FNTB: variants seen among roughly 807,000 people sequenced by gnomAD.
FNTB encodes protein farnesyltransferase subunit beta.
Under a neutral mutation model 59.4 loss-of-function variants are expected in FNTB, and 27 were observed. The observed-to-expected ratio is 0.45, with a 90% CI of 0.34 to 0.63. FNTB has a LOEUF of 0.63. Ranked by LOEUF, FNTB falls within the 20% of genes least tolerant of loss-of-function variation. FNTB has a pLI of 0.02. For missense variants in FNTB, 449 were observed against 559.6 expected (o/e 0.80, Z 1.99); for synonymous variants, 230 against 220.7 (o/e 1.04, Z -0.37).
chr14:64,998,160 G>T (rs1023808005), intron 1 of FNTB, among the ~76,000 whole-genome samples: 1 of 152,200 alleles, frequency 6.6e-6, no homozygotes, highest in Admixed American at 6.5e-5. Flanking sequence ...TATGAATGAA[G>T]AAAGTACTAT....
At position 65,011,111 on chromosome 14, in the gene FNTB, A is replaced by T. The variant is rs1295593297; in HGVS notation, c.210-1206A>T. 6.6e-6 allele frequency among the ~76,000 whole-genome samples: 1 copy of T among 152,038 alleles called. No individual in the cohort carries two copies. Among genetic ancestry groups the T allele is most frequent in the East Asian group, 1.9e-4 (1 of 5,196 alleles). ...CATTGATATACTTACCTCATTTCTGAATTGGAAGAGTTTTTGAGGTAAAGA... is the reference window on the plus strand; with the variant it reads ...CATTGATATACTTACCTCATTTCTGTATTGGAAGAGTTTTTGAGGTAAAGA... On this transcript the variant is annotated intron_variant, in intron 2 of 11. Transcript: ENST00000246166. The surrounding 1 kb of genome is among the most constrained non-coding windows in gnomAD (Gnocchi z 4.0).
chr14:65,048,541 G>A (rs2062537949), intron 9 of FNTB, among the ~76,000 whole-genome samples: 3 of 152,186 alleles, frequency 2.0e-5, no homozygotes, highest in Admixed American at 2.0e-4. Context: ...TATTTGAGTA[G>A]AAGAAGGAAT....
rs1743264918 is a variant in FNTB at position 65,052,635 on chromosome 14, A to G, written c.956-603A>G. 2.0e-5 allele frequency among the ~76,000 whole-genome samples: 3 copies of G among 152,248 alleles called. No individual in the cohort carries two copies. The South Asian group carries it at 6.2e-4, about 31-fold the overall frequency. On this transcript the variant is annotated intron_variant, in intron 9 of 11. Coordinates refer to ENST00000246166, the MANE Select transcript of FNTB (RefSeq NM_002028.4). ...TTGTCAGTACCTTAGTAGTATTACCAGAATACCCAGTTTTTGCTAGGGTAT... is the reference window on the plus strand; with the variant it reads ...TTGTCAGTACCTTAGTAGTATTACCGGAATACCCAGTTTTTGCTAGGGTAT...
At chr14:65,037,764 A>T (rs2062244519) in intron 7 of FNTB, among the ~76,000 whole-genome samples, 1 of 139,700 alleles carries the variant, frequency 7.2e-6, no homozygotes, top group South Asian at 2.3e-4. Context: ...TTATTTATTT[A>T]TTTATTTATT....
intron 11 of FNTB, among the ~76,000 whole-genome samples, chr14:65,056,983 G>A (rs2062750458): frequency 6.6e-6 from 1 of 152,300 alleles, no homozygotes; most frequent in South Asian, 2.1e-4. Flanking sequence ...AAACAGAGGA[G>A]AGCCTGAGAG....
chr14:65,013,699 C>T (rs1333438952), intron 3 of FNTB, among the ~76,000 whole-genome samples: 1 of 152,138 alleles, frequency 6.6e-6, no homozygotes, highest in Non-Finnish European at 1.5e-5. Context: ...AGGTGTGCAC[C>T]ATCACGCCTG....
At position 65,032,447 on chromosome 14, in the gene FNTB, C is replaced by A; in HGVS notation, c.606-163C>A. On this transcript the variant is annotated intron_variant, in intron 6 of 11. Transcript: ENST00000246166. This position sits in a 1 kb window ranked among gnomAD's most constrained non-coding sequence, Gnocchi z 5.0. The stretch of plus-strand genomic sequence containing the variant: ...GCAACTCTATCCAAATAGAATGTCA[C>A]ACCTCTCAGTTGGAGACCCAGGAGG... 1 of 581,420 alleles carries A rather than the reference C, an allele frequency of 1.7e-6. No homozygotes were observed. The highest frequency in any genetic ancestry group is 2.9e-6 in the Non-Finnish European group (1 of 350,622). The allele number at this position is 581,420 out of a possible 1,614,324, so 36.0% of individuals were successfully genotyped here.
chr14:65,042,733 G>A (rs1288398845), intron 8 of FNTB, among the ~76,000 whole-genome samples: 1 of 152,162 alleles, frequency 6.6e-6, no homozygotes, highest in African/African-American at 2.4e-5. Context: ...ATGGGCTTAG[G>A]CACTGGAAAA....
At chr14:65,051,027 A>G (rs1198110661) in intron 9 of FNTB, among the ~76,000 whole-genome samples, 1 of 152,240 alleles carries the variant, frequency 6.6e-6, no homozygotes, top group African/African-American at 2.4e-5. Context: ...GGTGAGGAAA[A>G]GAAAGGAAGG....
At position 65,004,247 on chromosome 14, in the gene FNTB, A is replaced by G. The variant is rs1261026668; in HGVS notation, c.145-2A>G. The G allele has an allele frequency of 6.2e-7, 1 of 1,613,534 alleles. No homozygotes were observed. ...CTCTCCTATCTCCTGCATCCTTACC[A>G]GGCAAAAGTAGAAGAAAAGATCCAA... On this transcript the variant is annotated splice_acceptor_variant, in intron 1 of 11. Coordinates refer to ENST00000246166, the MANE Select transcript of FNTB (RefSeq NM_002028.4). LOFTEE classifies it high-confidence loss of function.
intron 1 of FNTB, 154 bp downstream of exon 1, chr14:64,987,251 G>A: frequency 2.2e-6 from 2 of 896,606 alleles, no homozygotes; most frequent in Admixed American, 2.6e-5. Flanking sequence ...GGGCGCCCAG[G>A]CTTGGGCTTC....
chr14:65,013,735 A>G (rs1184509269), intron 3 of FNTB, among the ~76,000 whole-genome samples: 2 of 152,124 alleles, frequency 1.3e-5, no homozygotes, highest in African/African-American at 4.8e-5. Context: ...TTTAGTAGAG[A>G]CAGGGTTTCA....
At chr14:64,992,267 G>A (rs1467421089) in intron 1 of FNTB, among the ~76,000 whole-genome samples, 1 of 151,980 alleles carries the variant, frequency 6.6e-6, no homozygotes, top group African/African-American at 2.4e-5. Flanking sequence ...GGTTGTTTTT[G>A]GTCAAGTTGA....
intron 2 of FNTB, among the ~76,000 whole-genome samples, chr14:65,005,983 T>TAATC (rs2061580549): frequency 6.6e-6 from 1 of 152,142 alleles, no homozygotes; most frequent in Admixed American, 6.5e-5. Context: ...GGTCACTGGC[T>TAATC]GATTCACTCT....
intron 4 of FNTB, among the ~76,000 whole-genome samples, chr14:65,024,103 T>TAAA (rs557949276): frequency 1.5e-5 from 2 of 129,716 alleles, no homozygotes; most frequent in Non-Finnish European, 1.7e-5. Context: ...CTCCATCTCC[T>TAAA]AAAAAAAAAA....
In FNTB at chr14:65,023,714, GCT is replaced by G. The variant is rs1447598226; in HGVS notation, c.375-3738_375-3737del. Reference sequence around the variant, plus strand: ...TTTAAATTGCCTCATGTGGCTAGTGGCTGCCTATTGGACAGCACAGATGTATC... The same window carrying G: ...TTTAAATTGCCTCATGTGGCTAGTGGGCCTATTGGACAGCACAGATGTATC... On this transcript the variant is annotated intron_variant, in intron 4 of 11. Coordinates refer to ENST00000246166, the MANE Select transcript of FNTB (RefSeq NM_002028.4). The surrounding 1 kb of genome is among the most constrained non-coding windows in gnomAD (Gnocchi z 4.1). Among the ~76,000 whole-genome samples the G allele has an allele frequency of 2.0e-5, 3 of 152,126 alleles. No homozygotes were observed. Among genetic ancestry groups the G allele is most frequent in the Non-Finnish European group, 4.4e-5 (3 of 68,030 alleles).
chr14:65,005,449 T>TTTTCTTTCTTTCTTTCTTTCTTTCTTTC (rs71123898), intron 2 of FNTB, among the ~76,000 whole-genome samples: 1 of 119,814 alleles, frequency 8.3e-6, no homozygotes. Flanking sequence ...TCTTCCTTTC[T>TTTTCTTTCTTTCTTTCTTTCTTTCTTTC]TTTCTTTCTT....
At chr14:65,019,358 G>A (rs527671792) in intron 4 of FNTB, among the ~76,000 whole-genome samples, 1 of 149,800 alleles carries the variant, frequency 6.7e-6, no homozygotes, top group African/African-American at 2.5e-5. Flanking sequence ...GTGGTGGCTG[G>A]CACCTGTAAT....
At position 65,044,810 on chromosome 14, in the gene FNTB, C is replaced by T. The variant is rs762083594; in HGVS notation, c.955+367C>T. ...TGGGTGCAGGGCAGAGCTGAAAACCCTCAGTGTTGCAACAGTCACTGTTGC... is the reference window on the plus strand; with the variant it reads ...TGGGTGCAGGGCAGAGCTGAAAACCTTCAGTGTTGCAACAGTCACTGTTGC... On this transcript the variant is annotated intron_variant, in intron 9 of 11. Transcript: ENST00000246166. This position sits in a 1 kb window ranked among gnomAD's most constrained non-coding sequence, Gnocchi z 5.5. 4.9e-6 allele frequency: 1 copy of T among 202,906 alleles called. No homozygotes were observed. Among genetic ancestry groups the T allele is most frequent in the South Asian group, 9.5e-5 (1 of 10,562 alleles). The allele number at this position is 202,906 out of a possible 1,614,324, so 12.6% of individuals were successfully genotyped here.
Sources: gnomAD v4.1 joint callset for allele counts (sites outside exome capture counted in the v4.1 genomes callset) on GRCh38, gnomAD v4.1.1 for gene constraint, Gnocchi (gnomAD v3.1) non-coding constraint, MANE v1.5 for transcripts, NCBI Gene and HGNC (gene_info 2026-07-23, HGNC 2026-07-21) for gene names.